Variants in MPP4 observed in about 807,000 individuals in gnomAD.
The protein encoded by MPP4 is MAGUK p55 scaffold protein 4.
Under a neutral mutation model 98.3 loss-of-function variants are expected in MPP4, and 91 were observed. The observed-to-expected ratio is 0.93, with a 90% CI of 0.78 to 1.10. The LOEUF (loss-of-function observed/expected upper bound fraction) is 1.10, where lower values mean the gene tolerates loss of function less well. Ranked by LOEUF, MPP4 falls within the 50% of genes least tolerant of loss-of-function variation. The pLI is 0.00. For missense variants in MPP4, 744 were observed against 792.9 expected, an observed-to-expected ratio of 0.94 and a Z score of 0.74; for synonymous variants, 261 against 271.8, an observed-to-expected ratio of 0.96 and a Z score of 0.39.
intron 14 of MPP4, among the ~76,000 whole-genome samples, chr2:201,661,807 G>A (rs1223922096): frequency 6.6e-6 from 1 of 152,120 alleles, no homozygotes; most frequent in Admixed American, 6.6e-5. Context: ...GGCTGGAGTC[G>A]GTGGTCTCAC....
At chr2:201,658,858 T>G (rs1004347046) in intron 15 of MPP4, among the ~76,000 whole-genome samples, 3 of 152,194 alleles carry the variant, frequency 2.0e-5, no homozygotes, top group Non-Finnish European at 4.4e-5. Context: ...TTACTATGAT[T>G]CAGTATCATA....
intron 20 of MPP4, among the ~76,000 whole-genome samples, chr2:201,648,784 G>A (rs995214186): frequency 3.3e-5 from 5 of 152,184 alleles, no homozygotes; most frequent in African/African-American, 4.8e-5. Flanking sequence ...ATGGCTGGGC[G>A]CAGTAGCTCA....
chr2:201,681,157 C>G lies in MPP4; in HGVS notation c.733-123G>C. On this transcript the variant is annotated intron_variant, in intron 9 of 21. Transcript: ENST00000409474. ...CCACTCCTCCACCTGCTACTCCTAT[C>G]TTTCCTCTCCACCCTCACCAAAAAG... The G allele has an allele frequency of 6.1e-6, 6 of 985,680 alleles. No individual in the cohort carries two copies. The South Asian group carries it at 1.0e-4, about 17-fold the overall frequency. The allele number at this position is 985,680 out of a possible 1,614,324, so 61.1% of individuals were successfully genotyped here. A position where few individuals can be genotyped will look rare whatever the true frequency, so the allele number is the denominator to read the frequency against.
intron 13 of MPP4, among the ~76,000 whole-genome samples, chr2:201,664,551 A>G (rs1486327568): frequency 6.6e-6 from 1 of 152,154 alleles, no homozygotes; most frequent in Non-Finnish European, 1.5e-5. Context: ...GAGCATATGA[A>G]TGACTTGATT....
At chr2:201,655,905 AC>A (rs1259504959) in intron 17 of MPP4, among the ~76,000 whole-genome samples, 1 of 152,216 alleles carries the variant, frequency 6.6e-6, no homozygotes, top group Admixed American at 6.5e-5. Flanking sequence ...TGTTTACAGA[AC>A]AATTCTAAGC....
At chr2:201,681,949 A>G (rs1328537031) in intron 8 of MPP4, among the ~76,000 whole-genome samples, 2 of 151,980 alleles carry the variant, frequency 1.3e-5, no homozygotes, top group African/African-American at 4.8e-5. Context: ...GCATTTCCTG[A>G]ATGCCTGTTT....
chr2:201,651,880 GGAGGT>G (rs1687722854), intron 18 of MPP4: 1 of 405,440 alleles, frequency 2.5e-6, no homozygotes, highest in Non-Finnish European at 3.3e-6. Flanking sequence ...CTTGAACCCA[GGAGGT>G]GAGGTTGTAG....
At position 201,654,831 on chromosome 2, in the gene MPP4, A is replaced by T. The variant is rs1687810056; in HGVS notation, c.1381+6T>A. 1 of 1,593,284 alleles carries T rather than the reference A, an allele frequency of 6.3e-7. No homozygotes were observed. The highest frequency in any genetic ancestry group is 1.8e-5 in the Admixed American group (1 of 56,936). ...CAAACCATTATGAAAGCAGAACTAA[A>T]CATACGTGGCACAGCACTTTGAAAA... On this transcript the variant is annotated splice_donor_region_variant and intron_variant, in intron 18 of 21. Coordinates refer to ENST00000409474, the MANE Select transcript of MPP4 (RefSeq NM_033066.3).
intron 4 of MPP4, among the ~76,000 whole-genome samples, chr2:201,688,284 G>A (rs1688897793): frequency 6.6e-6 from 1 of 152,308 alleles, no homozygotes; most frequent in Middle Eastern, 3.4e-3. Flanking sequence ...AACAGCAGTG[G>A]CTGACAAAAA....
chr2:201,672,817 A>G (rs1328049933), intron 11 of MPP4, among the ~76,000 whole-genome samples: 1 of 152,174 alleles, frequency 6.6e-6, no homozygotes, highest in Non-Finnish European at 1.5e-5. Context: ...ATTCCTTCTG[A>G]AACTATTCCA....
At chr2:201,660,427 A>G in intron 14 of MPP4, 81 bp from the exon 15 acceptor site, 1 of 1,491,278 alleles carries the variant, frequency 6.7e-7, no homozygotes, top group Non-Finnish European at 9.4e-7. Context: ...AAATCAAGGC[A>G]AATGACATAA....
intron 18 of MPP4, chr2:201,650,684 C>T: frequency 1.0e-6 from 1 of 985,418 alleles, no homozygotes; most frequent in Non-Finnish European, 1.2e-6. Flanking sequence ...CCTACGTGTT[C>T]TGACTCCTCT....
At chr2:201,681,630 T>G in intron 8 of MPP4, 63 bp from the exon 9 acceptor site, 2 of 1,269,258 alleles carry the variant, frequency 1.6e-6, no homozygotes, top group Non-Finnish European at 2.3e-6. Flanking sequence ...TGGGGCTCGG[T>G]GGACAGAGTT....
chr2:201,687,507 A>G (rs902107928), intron 4 of MPP4, 136 bp from the exon 5 acceptor site: 11 of 631,900 alleles, frequency 1.7e-5, no homozygotes, highest in Admixed American at 5.7e-5. Context: ...CTTCTTTTTC[A>G]TCTATAAAGC....
chr2:201,656,442 A>T, intron 16 of MPP4, 74 bp from the exon 17 acceptor site: 2 of 1,359,638 alleles, frequency 1.5e-6, no homozygotes, highest in Non-Finnish European at 2.0e-6. Flanking sequence ...CTGATGAAAT[A>T]TGTAGCAACC....
At chr2:201,670,183 A>G (rs1421717385) in intron 11 of MPP4, among the ~76,000 whole-genome samples, 1 of 152,324 alleles carries the variant, frequency 6.6e-6, no homozygotes, top group South Asian at 2.1e-4. Flanking sequence ...CCTTCAGTAA[A>G]TAACATTTTA....
Position 201,692,856 on chromosome 2 carries a change from C to T in MPP4, c.201+52G>A, listed in dbSNP as rs943996871. 25 of 1,584,346 alleles carry T rather than the reference C, an allele frequency of 1.6e-5. No homozygotes were observed. The Admixed American group carries it at 4.4e-4, about 28-fold the overall frequency. On this transcript the variant is annotated intron_variant, in intron 3 of 21. Coordinates refer to ENST00000409474, the MANE Select transcript of MPP4 (RefSeq NM_033066.3). ...GACTGAAGCTGTCATTTTCTACACA[C>T]TCCCCACAACCCCTTCAGCAAGCAA...
intron 10 of MPP4, 111 bp from the exon 11 acceptor site, chr2:201,675,382 C>T: frequency 9.3e-7 from 1 of 1,070,116 alleles, no homozygotes; most frequent in Non-Finnish European, 1.4e-6. Context: ...TAGAATTCTG[C>T]TGCCTTCACT....
At chr2:201,670,535 AG>A (rs1362192726) in intron 11 of MPP4, among the ~76,000 whole-genome samples, 1 of 152,220 alleles carries the variant, frequency 6.6e-6, no homozygotes, top group Non-Finnish European at 1.5e-5. Context: ...ACTTCTAGAA[AG>A]TCTAATATAA....
Sources: gnomAD v4.1 joint callset for allele counts (sites outside exome capture counted in the v4.1 genomes callset) on GRCh38, gnomAD v4.1.1 for gene constraint, MANE v1.5 for transcripts, NCBI Gene and HGNC (gene_info 2026-07-23, HGNC 2026-07-21) for gene names.